Variants in NHSL1 observed in about 807,000 individuals in gnomAD.
NHSL1 encodes NHS like 1.
NHSL1 carries 48 observed loss-of-function variants against 95.0 expected under a neutral mutation model. The observed-to-expected ratio is 0.51, with a 90% CI of 0.40 to 0.64. The LOEUF (loss-of-function observed/expected upper bound fraction) is 0.64. Among genes scored for constraint, NHSL1 ranks in the 30% least tolerant of loss-of-function variants. The pLI is 0.00. For missense variants in NHSL1, 1,971 were observed against 2,077.7 expected (o/e 0.95, Z 1.00); for synonymous variants, 783 against 833.9 (o/e 0.94, Z 1.05).
At chr6:138,545,572 A>C in intron 1 of NHSL1, 1 of 1,228,116 alleles carries the variant, frequency 8.1e-7, no homozygotes, top group Non-Finnish European at 1.1e-6. Context: ...CTAAATGACA[A>C]TCTTCCCCAA....
At chr6:138,633,663 C>G (rs957010562) in intron 1 of NHSL1, among the ~76,000 whole-genome samples, 2 of 152,118 alleles carry the variant, frequency 1.3e-5, no homozygotes, top group African/African-American at 4.8e-5. Context: ...CAGAACTATT[C>G]TACAAGAAAT....
At chr6:138,547,181 A>C (rs2128329266), upstream of NHSL1, among the ~76,000 whole-genome samples, 1 of 152,310 alleles carries the variant, frequency 6.6e-6, no homozygotes. Context: ...GGTGCAGCAT[A>C]TCCCAGCTGG....
At chr6:138,679,640 T>G (rs547590176) in intron 1 of NHSL1, among the ~76,000 whole-genome samples, 1 of 152,272 alleles carries the variant, frequency 6.6e-6, no homozygotes, top group East Asian at 1.9e-4. Context: ...CCCAGAAGAA[T>G]AACAAACTTC....
chr6:138,666,073 G>A lies in NHSL1; in HGVS notation c.96+26403C>T, dbSNP rs554079082. ...AATCCCAGCACTTTGGGAGGCCAAG[G>A]CGGGCGGATCACCTGAAGTCAGGAG... On this transcript the variant is annotated intron_variant, in intron 1 of 3. Transcript: ENST00000491526. Among the ~76,000 whole-genome samples, 6 of 151,402 alleles carry A rather than the reference G, an allele frequency of 4.0e-5. No homozygotes were observed. In the South Asian group the frequency reaches 1.3e-3, roughly 32 times the overall value.
intron 5 of NHSL1, among the ~76,000 whole-genome samples, chr6:138,435,749 T>TA (rs1214649434): frequency 6.6e-6 from 1 of 151,968 alleles, no homozygotes; most frequent in African/African-American, 2.4e-5. Flanking sequence ...TTTTTTTTTT[T>TA]ACAAGTCGAA....
At chr6:138,502,443 T>C (rs941333682), upstream of NHSL1, among the ~76,000 whole-genome samples, 30 of 151,928 alleles carry the variant, frequency 2.0e-4, no homozygotes, top group Non-Finnish European at 4.1e-4. Context: ...CCATGGTACT[T>C]CTGATGCCTA....
At chr6:138,481,075 G>A (rs1020821423) in intron 2 of NHSL1, among the ~76,000 whole-genome samples, 19 of 152,048 alleles carry the variant, frequency 1.2e-4, no homozygotes, top group Admixed American at 1.0e-3. Context: ...TAGTCCAGAA[G>A]GACTGAGAAT....
chr6:138,657,688 G>A (rs1293818630), intron 1 of NHSL1, among the ~76,000 whole-genome samples: 5 of 151,490 alleles, frequency 3.3e-5, no homozygotes, highest in South Asian at 2.1e-4. Flanking sequence ...GGTGGCGGGC[G>A]CCTGTGGTCC....
chr6:138,546,456 A>G (rs940546155), upstream of NHSL1, among the ~76,000 whole-genome samples: 5 of 147,028 alleles, frequency 3.4e-5, no homozygotes, highest in Non-Finnish European at 7.4e-5. Context: ...AAAAAAAAAA[A>G]AAACTAGCTG....
chr6:138,652,316 C>A (rs1785103131), intron 1 of NHSL1, among the ~76,000 whole-genome samples: 1 of 151,938 alleles, frequency 6.6e-6, no homozygotes, highest in African/African-American at 2.4e-5. Context: ...CGGCTCATGC[C>A]TGTAATCCCA....
At chr6:138,628,912 G>A (rs1003395366) in intron 1 of NHSL1, among the ~76,000 whole-genome samples, 3 of 152,138 alleles carry the variant, frequency 2.0e-5, no homozygotes, top group Non-Finnish European at 4.4e-5. Context: ...AGTAAATATC[G>A]ATGGGATGAA....
chr6:138,573,002 G>A (rs1228936435), upstream of NHSL1, among the ~76,000 whole-genome samples: 1 of 152,236 alleles, frequency 6.6e-6, no homozygotes. Context: ...AAGGTGAAAC[G>A]CAGCCATCAT....
At chr6:138,637,564 T>TA (rs997549192) in intron 1 of NHSL1, among the ~76,000 whole-genome samples, 9 of 151,992 alleles carry the variant, frequency 5.9e-5, no homozygotes, top group African/African-American at 2.2e-4. Context: ...CTAATCCGAT[T>TA]AAAAAATGGG....
intron 1 of NHSL1, among the ~76,000 whole-genome samples, chr6:138,551,063 G>C (rs1364593933): frequency 2.6e-5 from 4 of 152,166 alleles, no homozygotes; most frequent in Admixed American, 6.5e-5. Flanking sequence ...GAGGGAAAGA[G>C]ACCACATTTA....
chr6:138,482,538 T>C lies in NHSL1; in HGVS notation c.212-9105A>G, dbSNP rs1037006181. On this transcript the variant is annotated intron_variant, in intron 2 of 7. Coordinates refer to ENST00000343505, the MANE Select transcript of NHSL1 (RefSeq NM_001144060.2). ...GAGAAAGTCAAGCTGGTGACAATTATGTTTTCTTTCCAACCTCCAGGTTCA... is the reference window on the plus strand; with the variant it reads ...GAGAAAGTCAAGCTGGTGACAATTACGTTTTCTTTCCAACCTCCAGGTTCA... Among the ~76,000 whole-genome samples, 8 of 152,204 alleles carry C rather than the reference T, an allele frequency of 5.3e-5. No individual in the cohort carries two copies. The South Asian group carries it at 6.2e-4, about 12-fold the overall frequency.
chr6:138,590,683 G>A (rs755068153), intron 1 of NHSL1, among the ~76,000 whole-genome samples: 2 of 152,116 alleles, frequency 1.3e-5, no homozygotes, highest in South Asian at 2.1e-4. Context: ...CCCTTGAAGC[G>A]GCTGTTTACC....
intron 2 of NHSL1, among the ~76,000 whole-genome samples, chr6:138,479,910 T>C (rs1779312873): frequency 6.6e-6 from 1 of 152,106 alleles, no homozygotes; most frequent in Non-Finnish European, 1.5e-5. Context: ...TCTGAAGGGG[T>C]AAAGTCCTTA....
At chr6:138,465,816 T>G (rs1317823218) in intron 3 of NHSL1, among the ~76,000 whole-genome samples, 2 of 148,752 alleles carry the variant, frequency 1.3e-5, no homozygotes, top group African/African-American at 2.5e-5. Flanking sequence ...CTCTGCCTCC[T>G]GGGTTCAAGC....
chr6:138,427,902 CCTCA>C (rs1775366593), intron 7 of NHSL1, among the ~76,000 whole-genome samples: 1 of 152,156 alleles, frequency 6.6e-6, no homozygotes, highest in Non-Finnish European at 1.5e-5. Flanking sequence ...TAGCATATGT[CCTCA>C]CTCTCTCTCT....
Sources: allele counts gnomAD v4.1 joint callset (sites outside exome capture counted in the v4.1 genomes callset), GRCh38; gene constraint gnomAD v4.1.1; transcripts MANE v1.5; gene names NCBI Gene and HGNC (gene_info 2026-07-23, HGNC 2026-07-21).